The following TRRAP variants were observed in gnomAD, a reference collection of about 807,000 sequenced individuals.
TRRAP encodes transformation/transcription domain-associated protein.
TRRAP carries 41 observed loss-of-function variants against 438.8 expected under a neutral mutation model. That is an observed-to-expected ratio of 0.09 (90% CI 0.07 to 0.12). TRRAP has a LOEUF of 0.12. TRRAP is among the 10% of genes least tolerant of loss of function. The pLI is 1.00. For missense variants in TRRAP, 3,122 were observed against 5,055.1 expected, an observed-to-expected ratio of 0.62 and a Z score of 11.60; for synonymous variants, 1,994 against 1,962.9, an observed-to-expected ratio of 1.02 and a Z score of -0.42.
At chr7:98,888,229 CAAA>C (rs1169797218) in intron 3 of TRRAP, among the ~76,000 whole-genome samples, 1 of 131,890 alleles carries the variant, frequency 7.6e-6, no homozygotes, top group African/African-American at 2.8e-5. Context: ...GACTCCATCT[CAAA>C]AAAAAAAAAA....
chr7:98,929,952 A>G, intron 23 of TRRAP, 37 bp from the exon 24 acceptor site: 4 of 1,606,120 alleles, frequency 2.5e-6, no homozygotes, highest in Non-Finnish European at 3.4e-6. Flanking sequence ...TTGAGGGACA[A>G]GACTGTTCTC....
At chr7:98,925,817 G>C (rs1790025027) in intron 22 of TRRAP, among the ~76,000 whole-genome samples, 2 of 152,192 alleles carry the variant, frequency 1.3e-5, no homozygotes, top group Admixed American at 6.5e-5. Flanking sequence ...AAGTGATGCT[G>C]AGTATATAGT....
rs1264964525 is a variant in TRRAP at position 98,930,757 on chromosome 7, T to C, written c.3518T>C (p.Leu1173Pro). Reference protein sequence around the residue: ...SIKFLMERLPLTWVLQNQQTF... With the variant: ...SIKFLMERLPPTWVLQNQQTF... The stretch of plus-strand genomic sequence containing the variant: ...AAGTTTCTCATGGAGCGGCTGCCTC[T>C]CACTTGGGTTCTCCAGAACCAGCAG... The change falls in exon 25 of 73, where the codon CTC (leucine) becomes CCC (proline). Residue 1173 changes from leucine (L) to proline (P), a missense_variant. Transcript: ENST00000456197. 3.7e-6 allele frequency: 6 copies of C among 1,614,100 alleles called. No homozygotes were observed. The Admixed American group carries it at 1.0e-4, about 27-fold the overall frequency.
Position 98,970,276 on chromosome 7 carries a change from C to G in TRRAP, c.7677C>G (p.Ser2559Arg), listed in dbSNP as rs770568005. 8.1e-6 allele frequency: 13 copies of G among 1,612,270 alleles called. No individual in the cohort carries two copies. The Admixed American group carries it at 2.2e-4, about 27-fold the overall frequency. ...VKQEPRERENSESKEEDVEID... is the reference protein window; with the variant it reads ...VKQEPRERENRESKEEDVEID... ...AGGAGCCCCGGGAGCGGGAGAACAGCGAGTCCAAAGAGGAGGTGAGGCCCT... is the reference window on the plus strand; with the variant it reads ...AGGAGCCCCGGGAGCGGGAGAACAGGGAGTCCAAAGAGGAGGTGAGGCCCT... Residue 2559 changes from serine to arginine, a missense_variant, in exon 52 of 73, where the codon AGC (serine) becomes AGG (arginine). Coordinates refer to ENST00000456197, the MANE Select transcript of TRRAP (RefSeq NM_001375524.1).
At chr7:98,980,169 A>C (rs1288408860) in intron 58 of TRRAP, among the ~76,000 whole-genome samples, 3 of 152,212 alleles carry the variant, frequency 2.0e-5, no homozygotes, top group Admixed American at 6.5e-5. Flanking sequence ...GCTTTGGAAG[A>C]GTAAGATGTC....
At chr7:98,907,014 C>G (rs1193606384) in intron 13 of TRRAP, among the ~76,000 whole-genome samples, 3 of 148,920 alleles carry the variant, frequency 2.0e-5, no homozygotes, top group African/African-American at 7.4e-5. Flanking sequence ...TTGTTTCTTA[C>G]ACTTAAAAAA....
At chr7:98,897,444 T>C (rs1405492661) in intron 7 of TRRAP, among the ~76,000 whole-genome samples, 3 of 152,224 alleles carry the variant, frequency 2.0e-5, no homozygotes, top group African/African-American at 7.2e-5. Context: ...AAAATACTTT[T>C]AGGCAAGCTT....
chr7:98,897,685 T>TTTGAA, intron 7 of TRRAP, 56 bp from the exon 8 acceptor site: 1 of 1,559,050 alleles, frequency 6.4e-7, no homozygotes. Flanking sequence ...TGTTTTGTTT[T>TTTGAA]TGAATGAATA....
At chr7:98,905,715 T>C (rs375401923) in intron 12 of TRRAP, among the ~76,000 whole-genome samples, 3 of 152,322 alleles carry the variant, frequency 2.0e-5, no homozygotes, top group Admixed American at 6.5e-5. Flanking sequence ...GTGAGAACAT[T>C]GTAAAAACGC....
At chr7:98,896,862 A>G (rs1796232339) in intron 7 of TRRAP, among the ~76,000 whole-genome samples, 1 of 152,114 alleles carries the variant, frequency 6.6e-6, no homozygotes, top group Non-Finnish European at 1.5e-5. Flanking sequence ...TGCTTTTCAT[A>G]GGCAGCTGCC....
Position 99,011,282 on chromosome 7 carries a change from T to C in TRRAP, c.11142+27T>C. 1 of 1,612,972 alleles carries C rather than the reference T, an allele frequency of 6.2e-7. No individual in the cohort carries two copies. The highest frequency in any genetic ancestry group is 8.5e-7 in the Non-Finnish European group (1 of 1,178,912). The stretch of plus-strand genomic sequence containing the variant: ...TAACCTGCTTTGAACAGCCAGATCC[T>C]CTCCTCGTGACATCGCCTTTCTGCT... On this transcript the variant is annotated intron_variant, in intron 71 of 72. Coordinates refer to ENST00000456197, the MANE Select transcript of TRRAP (RefSeq NM_001375524.1). The surrounding 1 kb of genome is among the most constrained non-coding windows in gnomAD (Gnocchi z 7.1).
chr7:98,986,543 T>C (rs1225058130), intron 62 of TRRAP, among the ~76,000 whole-genome samples: 2 of 152,260 alleles, frequency 1.3e-5, no homozygotes, highest in African/African-American at 2.4e-5. Flanking sequence ...CTGTTGATGC[T>C]GAGCTTCTTT....
intron 45 of TRRAP, 56 bp downstream of exon 45, chr7:98,959,546 C>T (rs1050250364): frequency 1.3e-6 from 2 of 1,580,006 alleles, no homozygotes; most frequent in Non-Finnish European, 1.7e-6. Context: ...CTAGCAGATA[C>T]TGTCACCTGG....
intron 23 of TRRAP, among the ~76,000 whole-genome samples, chr7:98,929,285 A>T (rs1790214673): frequency 6.6e-6 from 1 of 152,118 alleles, no homozygotes. Flanking sequence ...GATGCATCTC[A>T]TTATGTTGCT....
chr7:98,937,471 T>C (rs1468087961), intron 29 of TRRAP, among the ~76,000 whole-genome samples, 179 bp from the exon 30 acceptor site: 2 of 152,250 alleles, frequency 1.3e-5, no homozygotes, highest in Admixed American at 1.3e-4. Flanking sequence ...TTTTAAAATA[T>C]TAAACAGTAA....
At chr7:98,916,758 G>A (rs1488144811) in intron 19 of TRRAP, among the ~76,000 whole-genome samples, 1 of 152,278 alleles carries the variant, frequency 6.6e-6, no homozygotes, top group East Asian at 1.9e-4. Context: ...AGCTGACCCT[G>A]TGCTGGGAAC....
Position 98,890,130 on chromosome 7 carries a change from A to G in TRRAP, c.151-205A>G, listed in dbSNP as rs989394868. Among the ~76,000 whole-genome samples the G allele has an allele frequency of 3.3e-5, 5 of 152,204 alleles. No homozygotes were observed. The East Asian group carries it at 9.6e-4, about 29-fold the overall frequency. ...TTGGTATTTCTAATTTTAATAGGAA[A>G]AGTTAGCATTTAGTTTTCCTGAATT... On this transcript the variant is annotated intron_variant, in intron 3 of 72. Coordinates refer to ENST00000456197, the MANE Select transcript of TRRAP (RefSeq NM_001375524.1).
chr7:98,897,226 C>T (rs1356075676), intron 7 of TRRAP, among the ~76,000 whole-genome samples: 1 of 152,062 alleles, frequency 6.6e-6, no homozygotes, highest in African/African-American at 2.4e-5. Flanking sequence ...CAGAGCGAGA[C>T]TCTGTCTCAA....
chr7:98,906,401 G>GTTTT (rs1312540030), intron 13 of TRRAP, 146 bp downstream of exon 13: 16 of 284,830 alleles, frequency 5.6e-5, no homozygotes, highest in Non-Finnish European at 1.9e-5. Flanking sequence ...TTTTGTTTTT[G>GTTTT]TTTTATTTAT....
Sources: gnomAD v4.1 joint callset for allele counts (sites outside exome capture counted in the v4.1 genomes callset) on GRCh38, gnomAD v4.1.1 for gene constraint, Gnocchi (gnomAD v3.1) non-coding constraint, MANE v1.5 for transcripts, NCBI Gene and HGNC (gene_info 2026-07-23, HGNC 2026-07-21) for gene names.